The following MAP3K4 variants were observed in gnomAD, a reference collection of about 807,000 sequenced individuals.
The protein encoded by MAP3K4 is MAP three kinase 1.
A neutral mutation model predicts 185.6 loss-of-function variants in MAP3K4; 67 were observed. That is an observed-to-expected ratio of 0.36 (90% CI 0.30 to 0.44). The LOEUF (loss-of-function observed/expected upper bound fraction) is 0.44. Ranked by LOEUF, MAP3K4 falls within the 20% of genes least tolerant of loss-of-function variation. MAP3K4 has a pLI of 1.00. For missense variants in MAP3K4, 1,551 were observed against 1,995.1 expected, an observed-to-expected ratio of 0.78 and a Z score of 4.24; for synonymous variants, 702 against 710.4, an observed-to-expected ratio of 0.99 and a Z score of 0.19.
intron 2 of MAP3K4, among the ~76,000 whole-genome samples, chr6:161,047,772 C>T (rs1016073195): frequency 6.6e-6 from 1 of 152,092 alleles, no homozygotes; most frequent in Non-Finnish European, 1.5e-5. Flanking sequence ...ATTTCAGTAA[C>T]GTAGAGCAAT....
In MAP3K4 at chr6:161,107,050, GCACACACACA is replaced by G. The variant is rs3050252; in HGVS notation, c.4048+365_4048+374del. On this transcript the variant is annotated intron_variant, in intron 20 of 26. Coordinates refer to ENST00000392142, the MANE Select transcript of MAP3K4 (RefSeq NM_005922.4). This position sits in a 1 kb window ranked among gnomAD's most constrained non-coding sequence, Gnocchi z 6.2. Reference sequence around the variant, plus strand: ...TCTCTCTCTCTCTACACACGCGCGCGCACACACACACACACACACACACACACACGCAGAA... The same window carrying G: ...TCTCTCTCTCTCTACACACGCGCGCGCACACACACACACACACACGCAGAA... 1.9e-5 allele frequency among the ~76,000 whole-genome samples: 2 copies of G among 105,188 alleles called. No individual in the cohort carries two copies. Among genetic ancestry groups the G allele is most frequent in the Admixed American group, 2.4e-4 (2 of 8,448 alleles). 69.0% of individuals were successfully genotyped at this position (105,188 alleles called of 152,430 possible).
rs3050252 is a variant in MAP3K4, at chr6:161,107,050, G to GCA, written c.4048+373_4048+374dup. The stretch of plus-strand genomic sequence containing the variant: ...TCTCTCTCTCTCTACACACGCGCGC[G>GCA]CACACACACACACACACACACACAC... On this transcript the variant is annotated intron_variant, in intron 20 of 26. Transcript: ENST00000392142. The surrounding 1 kb of genome is among the most constrained non-coding windows in gnomAD (Gnocchi z 6.2). 0.055 allele frequency among the ~76,000 whole-genome samples: 5,810 copies of GCA among 105,182 alleles called. 126 individuals are homozygous for GCA. The highest frequency in any genetic ancestry group is 0.13 in the Middle Eastern group (24 of 186). The allele number at this position is 105,182 out of a possible 152,430, so 69.0% of individuals were successfully genotyped here.
intron 1 of MAP3K4, among the ~76,000 whole-genome samples, chr6:161,029,686 A>C (rs1336352052): frequency 1.3e-5 from 2 of 152,228 alleles, no homozygotes; most frequent in Non-Finnish European, 2.9e-5. Flanking sequence ...ATTGGTATAC[A>C]TGTAAACATT....
Position 161,109,968 on chromosome 6 carries a change from G to T in MAP3K4, c.4396+54G>T. 1.3e-6 allele frequency: 2 copies of T among 1,598,084 alleles called. No individual in the cohort carries two copies. The highest frequency in any genetic ancestry group is 1.7e-6 in the Non-Finnish European group (2 of 1,168,226). ...GGCCAGAGCCACTGGTACCCAGCCC[G>T]TGGGAGGTGCTCTGAAGACGCTCAT... On this transcript the variant is annotated intron_variant, in intron 23 of 26. Transcript: ENST00000392142. This position sits in a 1 kb window ranked among gnomAD's most constrained non-coding sequence, Gnocchi z 5.7.
intron 1 of MAP3K4, among the ~76,000 whole-genome samples, chr6:161,030,803 T>A (rs1181454494): frequency 6.6e-6 from 1 of 152,210 alleles, no homozygotes; most frequent in Non-Finnish European, 1.5e-5. Flanking sequence ...TAAATACTGT[T>A]GGATTTTGTT....
At chr6:161,055,609 C>T (rs11962887) in intron 3 of MAP3K4, among the ~76,000 whole-genome samples, 3,207 of 152,292 alleles carry the variant, frequency 0.021, 116 homozygotes, top group African/African-American at 0.074. Flanking sequence ...ATTCCCTTTT[C>T]TGTTCTAGGA....
At chr6:161,042,413 G>T (rs555239791) in intron 2 of MAP3K4, among the ~76,000 whole-genome samples, 2 of 152,142 alleles carry the variant, frequency 1.3e-5, no homozygotes, top group East Asian at 3.9e-4. Context: ...GCTATCTGAC[G>T]TCCCAGTTGA....
At position 161,093,109 on chromosome 6, in the gene MAP3K4, A is replaced by G. The variant is rs1464682672; in HGVS notation, c.3348+53A>G. 8.1e-7 allele frequency: 1 copy of G among 1,229,164 alleles called. No homozygotes were observed. The highest frequency in any genetic ancestry group is 1.5e-5 in the African/African-American group (1 of 65,966). 76.1% of individuals were successfully genotyped at this position (1,229,164 alleles called of 1,614,324 possible). A position where few individuals can be genotyped will look rare whatever the true frequency, so the allele number is the denominator to read the frequency against. ...TTATAAAATAAGCCAGTCACTCCTTATTTTCTGGTTGTATATGTTTTATAT... is the reference window on the plus strand; with the variant it reads ...TTATAAAATAAGCCAGTCACTCCTTGTTTTCTGGTTGTATATGTTTTATAT... On this transcript the variant is annotated intron_variant, in intron 14 of 26. Coordinates refer to ENST00000392142, the MANE Select transcript of MAP3K4 (RefSeq NM_005922.4). The surrounding 1 kb of genome is among the most constrained non-coding windows in gnomAD (Gnocchi z 5.2).
intron 1 of MAP3K4, among the ~76,000 whole-genome samples, chr6:161,023,880 T>C (rs1430883255): frequency 6.6e-6 from 1 of 152,218 alleles, no homozygotes; most frequent in Non-Finnish European, 1.5e-5. Context: ...AACATCACAA[T>C]TATTAAGCAG....
rs1488291158 is a variant in MAP3K4 at position 161,034,285 on chromosome 6, C to T, written c.179C>T (p.Ala60Val). 3 of 1,613,624 alleles carry T rather than the reference C, an allele frequency of 1.9e-6. No homozygotes were observed. The highest frequency in any genetic ancestry group is 4.5e-5 in the East Asian group (2 of 44,868). ...ARQEGTLGDS[A>V]CKSPESDLED... is the part of the protein sequence containing the mutation. Reference sequence around the variant, plus strand: ...CAAGAGGGCACATTGGGAGATTCAGCTTGCAAGAGTCCTGAATCTGATCTA... The same window carrying T: ...CAAGAGGGCACATTGGGAGATTCAGTTTGCAAGAGTCCTGAATCTGATCTA... Residue 60 changes from alanine (A) to valine (V), a missense_variant, in exon 2 of 27, where the codon GCT becomes GTT. Ala to Val is a moderately conservative substitution (Grantham distance 64). Coordinates refer to ENST00000392142, the MANE Select transcript of MAP3K4 (RefSeq NM_005922.4). This position sits in a 1 kb window ranked among gnomAD's most constrained non-coding sequence, Gnocchi z 4.4.
At chr6:161,000,498 T>C (rs1781216958) in intron 1 of MAP3K4, among the ~76,000 whole-genome samples, 2 of 152,244 alleles carry the variant, frequency 1.3e-5, no homozygotes, top group African/African-American at 2.4e-5. Flanking sequence ...TCTTGGCTGC[T>C]TATCCTTAAA....
rs192165597 is a variant in MAP3K4, at chr6:161,031,301, A to C, written c.153-2958A>C. ...TTTTATTTGACAGTACAGCCACATT[A>C]ATTTTTCCATGTGTAGAGAAATAAT... On this transcript the variant is annotated intron_variant, in intron 1 of 26. Coordinates refer to ENST00000392142, the MANE Select transcript of MAP3K4 (RefSeq NM_005922.4). Among the ~76,000 whole-genome samples the C allele has an allele frequency of 1.6e-4, 25 of 152,328 alleles. No homozygotes were observed. The East Asian group carries it at 4.2e-3, about 26-fold the overall frequency.
intron 1 of MAP3K4, among the ~76,000 whole-genome samples, chr6:161,005,118 C>G (rs1781517153): frequency 6.6e-6 from 1 of 151,292 alleles, no homozygotes; most frequent in Non-Finnish European, 1.5e-5. Context: ...TTAATGGACT[C>G]AAGACACAAA....
At position 161,048,591 on chromosome 6, in the gene MAP3K4, TTC is replaced by T. The variant is rs1783851092; in HGVS notation, c.344-23_344-22del. On this transcript the variant is annotated intron_variant, in intron 2 of 26. Coordinates refer to ENST00000392142, the MANE Select transcript of MAP3K4 (RefSeq NM_005922.4). The surrounding 1 kb of genome is among the most constrained non-coding windows in gnomAD (Gnocchi z 4.7). ...CTTCATATTTTAGAGTTATATAATG[TTC>T]TGTTTATTTTTTTTTTTAATAGAAA... The T allele has an allele frequency of 6.9e-7, 1 of 1,443,146 alleles. No individual in the cohort carries two copies. Among genetic ancestry groups the T allele is most frequent in the East Asian group, 2.3e-5 (1 of 43,392 alleles). The allele number at this position is 1,443,146 out of a possible 1,614,324, so 89.4% of individuals were successfully genotyped here. A position where few individuals can be genotyped will look rare whatever the true frequency, so the allele number is the denominator to read the frequency against.
chr6:161,015,219 G>A (rs559289453), intron 1 of MAP3K4, among the ~76,000 whole-genome samples: 318 of 151,806 alleles, frequency 2.1e-3, no homozygotes, highest in Non-Finnish European at 3.5e-3. Flanking sequence ...CACAGGAACG[G>A]AAAACCAAAC....
chr6:161,047,709 A>G (rs1783799877), intron 2 of MAP3K4, among the ~76,000 whole-genome samples: 1 of 152,238 alleles, frequency 6.6e-6, no homozygotes, highest in African/African-American at 2.4e-5. Flanking sequence ...GTATTTGAAA[A>G]GAAGGGACTA....
At chr6:161,057,414 A>G (rs1001808) in intron 3 of MAP3K4, among the ~76,000 whole-genome samples, 102,535 of 152,088 alleles carry the variant, frequency 0.67, 35,651 homozygotes, top group Admixed American at 0.76. Flanking sequence ...TCACAGAGCT[A>G]TAGATTGTTA....
rs1050457073 is a variant in MAP3K4, at chr6:161,077,547, G to A, written c.2098-3334G>A. ...GCAGCCTGTGGGGGCTCCAGCTGCA[G>A]GTGGAGAGTAGGCTGGGGGTCCAGA... On this transcript the variant is annotated intron_variant, in intron 5 of 26. Coordinates refer to ENST00000392142, the MANE Select transcript of MAP3K4 (RefSeq NM_005922.4). The surrounding 1 kb of genome is among the most constrained non-coding windows in gnomAD (Gnocchi z 4.3). 6.6e-6 allele frequency among the ~76,000 whole-genome samples: 1 copy of A among 152,200 alleles called. No individual in the cohort carries two copies. The highest frequency in any genetic ancestry group is 1.5e-5 in the Non-Finnish European group (1 of 68,036).
At chr6:161,016,281 A>T (rs571504193) in intron 1 of MAP3K4, among the ~76,000 whole-genome samples, 1 of 151,852 alleles carries the variant, frequency 6.6e-6, no homozygotes, top group African/African-American at 2.4e-5. Context: ...ATTTGCAAAT[A>T]TTTTCTCCCA....
Sources: gnomAD v4.1 joint callset for allele counts (sites outside exome capture counted in the v4.1 genomes callset) on GRCh38, gnomAD v4.1.1 for gene constraint, Gnocchi (gnomAD v3.1) non-coding constraint, MANE v1.5 for transcripts, NCBI Gene and HGNC (gene_info 2026-07-23, HGNC 2026-07-21) for gene names.